The following CENPW variants were observed in gnomAD, a reference collection of about 807,000 sequenced individuals.
The protein encoded by CENPW is centromere protein W.
CENPW carries 3 observed loss-of-function variants against 11.1 expected under a neutral mutation model. That is an observed-to-expected ratio of 0.27 (90% CI 0.12 to 0.70). CENPW has a LOEUF of 0.70. Ranked by LOEUF, CENPW falls within the 30% of genes least tolerant of loss-of-function variation. The pLI is 0.77. For synonymous variants in CENPW, 38 were observed against 42.0 expected, an observed-to-expected ratio of 0.91 and a Z score of 0.37; for missense variants, 100 against 105.6, an observed-to-expected ratio of 0.95 and a Z score of 0.23.
the CENPW span, among the ~76,000 whole-genome samples, chr6:126,387,924 G>A: frequency 6.6e-6 from 1 of 151,888 alleles, no homozygotes; most frequent in African/African-American, 2.4e-5. Flanking sequence ...GCCAGAGCCC[G>A]ACTGACTTCT....
At chr6:126,407,577 C>T in the CENPW span, among the ~76,000 whole-genome samples, 6 of 152,244 alleles carry the variant, frequency 3.9e-5, no homozygotes, top group Non-Finnish European at 5.9e-5. Context: ...TATTTTTCTC[C>T]GCAACCTTGC....
chr6:126,351,871 T>C (rs1408418284), downstream of CENPW, among the ~76,000 whole-genome samples: 1 of 152,142 alleles, frequency 6.6e-6, no homozygotes, highest in African/African-American at 2.4e-5. Context: ...CTCAGTATTT[T>C]AATCTTGACA....
the CENPW span, among the ~76,000 whole-genome samples, chr6:126,441,878 T>C: frequency 6.6e-6 from 1 of 151,638 alleles, no homozygotes; most frequent in African/African-American, 2.4e-5. Flanking sequence ...GCTGATTCCA[T>C]ATTTTTGCCG....
At chr6:126,424,487 C>A in the CENPW span, among the ~76,000 whole-genome samples, 3,725 of 152,144 alleles carry the variant, frequency 0.024, 66 homozygotes, top group Middle Eastern at 0.054. Flanking sequence ...AGTATATGCA[C>A]CTATGTGAAC....
chr6:126,369,466 G>A, the CENPW span, among the ~76,000 whole-genome samples: 1 of 152,094 alleles, frequency 6.6e-6, no homozygotes. Context: ...GTTGATTATG[G>A]CCATTCTTAC....
chr6:126,404,748 GA>G, the CENPW span, among the ~76,000 whole-genome samples: 1 of 151,788 alleles, frequency 6.6e-6, no homozygotes, highest in African/African-American at 2.4e-5. Flanking sequence ...GCATTTCCTT[GA>G]TTAGTGATGT....
the CENPW span, among the ~76,000 whole-genome samples, chr6:126,379,444 T>C: frequency 6.6e-6 from 1 of 152,180 alleles, no homozygotes; most frequent in East Asian, 1.9e-4. Flanking sequence ...ATGTTATACA[T>C]GCTTTGGGAA....
chr6:126,407,091 C>A, the CENPW span, among the ~76,000 whole-genome samples: 1 of 152,078 alleles, frequency 6.6e-6, no homozygotes, highest in African/African-American at 2.4e-5. Flanking sequence ...ATACCCATCA[C>A]CTCCCCAACA....
At chr6:126,462,736 C>G in the CENPW span, among the ~76,000 whole-genome samples, 1 of 151,922 alleles carries the variant, frequency 6.6e-6, no homozygotes, top group Non-Finnish European at 1.5e-5. Context: ...AATTACCCTT[C>G]TATTGTAATA....
chr6:126,385,280 T>A, the CENPW span, among the ~76,000 whole-genome samples: 1 of 152,052 alleles, frequency 6.6e-6, no homozygotes, highest in Non-Finnish European at 1.5e-5. Context: ...AAATATAAAT[T>A]GTTCTATCAT....
At chr6:126,453,486 C>T in the CENPW span, among the ~76,000 whole-genome samples, 3 of 151,102 alleles carry the variant, frequency 2.0e-5, no homozygotes, top group African/African-American at 7.3e-5. Context: ...AAATAAGATC[C>T]TTTTTAGACA....
the CENPW span, among the ~76,000 whole-genome samples, chr6:126,367,732 G>A: frequency 1.3e-5 from 2 of 152,230 alleles, no homozygotes; most frequent in South Asian, 4.1e-4. Context: ...AGATAATAGG[G>A]ACAGTGAAAC....
Position 126,340,197 on chromosome 6 carries a change from G to A in CENPW, c.-77G>A. On this transcript the variant is annotated 5_prime_UTR_variant, in exon 1 of 3. Transcript: ENST00000368328. ...TCATACGGACCGGATTGTTTTCGCT[G>A]GCCCAGTGTCCCCGGAGCTTGTGTG... is the stretch of plus-strand genomic sequence containing the variant. 3 of 1,378,084 alleles carry A rather than the reference G, an allele frequency of 2.2e-6. No individual in the cohort carries two copies. The highest frequency in any genetic ancestry group is 3.1e-6 in the Non-Finnish European group (3 of 979,858). The allele number at this position is 1,378,084 out of a possible 1,614,324, so 85.4% of individuals were successfully genotyped here.
the CENPW span, among the ~76,000 whole-genome samples, chr6:126,418,492 A>T: frequency 9.2e-5 from 14 of 152,162 alleles, no homozygotes; most frequent in African/African-American, 3.4e-4. Context: ...GGATTTTGGG[A>T]GAGAAAGGGG....
the CENPW span, among the ~76,000 whole-genome samples, chr6:126,423,831 T>G: frequency 3.2e-5 from 4 of 124,468 alleles, no homozygotes; most frequent in South Asian, 1.4e-3. Flanking sequence ...TCTTAAATTT[T>G]TTTTTCTTTT....
In CENPW at chr6:126,347,450, G is replaced by A. The variant is rs116131230; in HGVS notation, c.241-1016G>A. Among the ~76,000 whole-genome samples, 1,026 of 152,194 alleles carry A rather than the reference G, an allele frequency of 6.7e-3. 12 individuals are homozygous for A. The highest frequency in any genetic ancestry group is 0.024 in the African/African-American group (986 of 41,538). The stretch of plus-strand genomic sequence containing the variant: ...AAGGAAACTTGTTGAACTCCATTTA[G>A]TATTTTGTAAGTTTGAGTACATAAT... On this transcript the variant is annotated intron_variant, in intron 2 of 2. Transcript: ENST00000368328.
At chr6:126,439,386 G>C in the CENPW span, among the ~76,000 whole-genome samples, 1 of 151,622 alleles carries the variant, frequency 6.6e-6, no homozygotes, top group African/African-American at 2.4e-5. Context: ...GGGCCCACTT[G>C]AAAGAGGTTG....
chr6:126,448,448 G>A, the CENPW span, among the ~76,000 whole-genome samples: 3 of 151,178 alleles, frequency 2.0e-5, no homozygotes, highest in Non-Finnish European at 4.5e-5. Context: ...CAGAAAGTTG[G>A]AGAACATGTG....
At chr6:126,456,015 G>T in the CENPW span, among the ~76,000 whole-genome samples, 7 of 151,106 alleles carry the variant, frequency 4.6e-5, no homozygotes, top group Non-Finnish European at 1.0e-4. Flanking sequence ...GGGGGCAAAA[G>T]ATGTCTACAA....
Sources: gnomAD v4.1 joint callset for allele counts (sites outside exome capture counted in the v4.1 genomes callset) on GRCh38, gnomAD v4.1.1 for gene constraint, MANE v1.5 for transcripts, NCBI Gene and HGNC (gene_info 2026-07-23, HGNC 2026-07-21) for gene names.